NKAIN4: variants seen among roughly 807,000 people sequenced by gnomAD.
NKAIN4 encodes sodium/potassium transporting ATPase interacting 4.
NKAIN4 carries 28 observed loss-of-function variants against 28.8 expected under a neutral mutation model. The ratio of observed to expected loss-of-function variants is 0.97; its 90% confidence interval spans 0.72 to 1.33. The LOEUF (loss-of-function observed/expected upper bound fraction) is 1.33. NKAIN4 is among the 40% of genes most tolerant of loss of function. NKAIN4 has a pLI of 0.00. For missense variants in NKAIN4, 289 were observed against 277.2 expected, an observed-to-expected ratio of 1.04 and a Z score of -0.30; for synonymous variants, 122 against 115.6, an observed-to-expected ratio of 1.06 and a Z score of -0.36.
At chr20:63,242,390 G>A in intron 6 of NKAIN4, 149 bp downstream of exon 6, 2 of 701,974 alleles carry the variant, frequency 2.8e-6, no homozygotes, top group Non-Finnish European at 5.1e-6. Context: ...TGAAGCAGAT[G>A]TTAGAAAAGT....
chr20:63,254,201 G>A, intron 1 of NKAIN4, 196 bp downstream of exon 1: 1 of 455,630 alleles, frequency 2.2e-6, no homozygotes, highest in South Asian at 4.3e-5. Context: ...GACGGGACCC[G>A]GCGCCGCGAC....
rs2066845618 is a variant in NKAIN4 at position 63,245,876 on chromosome 20, T to TC, written c.471+1701dup. ...GAGTGCCCACTCCTCCAGCCTCGGC[T>TC]CCCATAGCACGCCAGCCCCCTCCGA... On this transcript the variant is annotated intron_variant, in intron 4 of 6. Transcript: ENST00000370316. This position sits in a 1 kb window ranked among gnomAD's most constrained non-coding sequence, Gnocchi z 4.7. 6.6e-6 allele frequency among the ~76,000 whole-genome samples: 1 copy of TC among 150,938 alleles called. No individual in the cohort carries two copies. The highest frequency in any genetic ancestry group is 1.5e-5 in the Non-Finnish European group (1 of 67,850).
chr20:63,247,633 G>A lies in NKAIN4; in HGVS notation c.416C>T (p.Ala139Val), dbSNP rs200873761. The change falls in exon 4 of 7, where the codon GCC becomes GTC. Residue 139 changes from alanine to valine, a missense_variant. Ala to Val is a moderately conservative substitution (Grantham distance 64, BLOSUM62 0). Transcript: ENST00000370316. The stretch of plus-strand genomic sequence containing the variant: ...GGCCTCCACATAGCTGGGCTCCAGG[G>A]CACAGCCAGCACCTGACACCAGGGC... Reference protein sequence around the residue: ...GQALVSGAGCALEPSYVEALH... With the variant: ...GQALVSGAGCVLEPSYVEALH... 4.6e-5 allele frequency: 71 copies of A among 1,547,886 alleles called. No individual in the cohort carries two copies. The highest frequency in any genetic ancestry group is 9.6e-6 in the Non-Finnish European group (11 of 1,145,562).
chr20:63,254,238 C>T (rs948810767), intron 1 of NKAIN4, 159 bp downstream of exon 1: 1 of 558,574 alleles, frequency 1.8e-6, no homozygotes. Context: ...GCGACGCCAC[C>T]TTCGGCCGTA....
chr20:63,241,234 T>G lies in NKAIN4; in HGVS notation c.*263A>C. 1 of 476,436 alleles carries G rather than the reference T, an allele frequency of 2.1e-6. No homozygotes were observed. Among genetic ancestry groups the G allele is most frequent in the South Asian group, 2.4e-5 (1 of 41,372 alleles). The allele number at this position is 476,436 out of a possible 1,614,324, so 29.5% of individuals were successfully genotyped here. A position where few individuals can be genotyped will look rare whatever the true frequency, so the allele number is the denominator to read the frequency against. ...TGCCAGAGGAGGTGGGCATGTGGGG[T>G]TTTGCCTTTTCTTTTGTATGTTTTC... On this transcript the variant is annotated 3_prime_UTR_variant, in exon 7 of 7. Transcript: ENST00000370316.
intron 4 of NKAIN4, 77 bp from the exon 5 acceptor site, chr20:63,244,161 A>G (rs41282998): frequency 0.09 from 119,714 of 1,329,794 alleles, 5,809 homozygotes; most frequent in Middle Eastern, 0.13. Flanking sequence ...TGTGGGCCGA[A>G]GCACTGGAGC....
rs562989288 is a variant in NKAIN4 at position 63,252,481 on chromosome 20, T to C, written c.54+1916A>G. On this transcript the variant is annotated intron_variant, in intron 1 of 6. Coordinates refer to ENST00000370316, the MANE Select transcript of NKAIN4 (RefSeq NM_152864.4). This position sits in a 1 kb window ranked among gnomAD's most constrained non-coding sequence, Gnocchi z 4.6. ...ACTTGTCAAAAAAAAAAAGGGGCTA[T>C]CCAACAACCCCGCCCTTCCTCCCGG... Among the ~76,000 whole-genome samples the C allele has an allele frequency of 6.6e-6, 1 of 151,528 alleles. No individual in the cohort carries two copies. The highest frequency in any genetic ancestry group is 6.6e-5 in the Admixed American group (1 of 15,220).
chr20:63,247,751 G>A lies in NKAIN4; in HGVS notation c.298C>T (p.Leu100Phe). Residue 100 changes from leucine (L) to phenylalanine (F), a missense_variant, in exon 4 of 7, where the codon CTC becomes TTC. Physicochemically the swap from Leu to Phe is conservative, Grantham distance 22 (BLOSUM62 0). Coordinates refer to ENST00000370316, the MANE Select transcript of NKAIN4 (RefSeq NM_152864.4). ...LKDSELLTFS[L>F]SRHRSWWRER... ...CGCCACCAGGAGCGATGCCGGGAGA[G>A]GCTGAAGGTCAGTAGCTCGCTGTCC... 1 of 1,474,372 alleles carries A rather than the reference G, an allele frequency of 6.8e-7. No homozygotes were observed. Among genetic ancestry groups the A allele is most frequent in the Non-Finnish European group, 9.0e-7 (1 of 1,108,372 alleles). The allele number at this position is 1,474,372 out of a possible 1,614,324, so 91.3% of individuals were successfully genotyped here.
intron 1 of NKAIN4, chr20:63,254,150 C>A: frequency 2.3e-6 from 1 of 427,662 alleles, no homozygotes; most frequent in Non-Finnish European, 4.1e-6. Context: ...CTGTCCCCGC[C>A]GCTCCGGACC....
intron 1 of NKAIN4, chr20:63,254,149 C>T: frequency 2.3e-6 from 1 of 426,314 alleles, no homozygotes; most frequent in Non-Finnish European, 4.1e-6. Flanking sequence ...CCTGTCCCCG[C>T]CGCTCCGGAC....
intron 1 of NKAIN4, among the ~76,000 whole-genome samples, chr20:63,250,556 G>A (rs1192518846): frequency 2.1e-5 from 3 of 145,666 alleles, no homozygotes; most frequent in Non-Finnish European, 4.7e-5. Flanking sequence ...CGAGGCCCCA[G>A]CCTGCTGCCT....
chr20:63,244,188 G>T, intron 4 of NKAIN4, 104 bp from the exon 5 acceptor site: 1 of 959,722 alleles, frequency 1.0e-6, no homozygotes, highest in Non-Finnish European at 1.6e-6. Flanking sequence ...GACCACCAAG[G>T]CCCTGCCTCT....
intron 1 of NKAIN4, among the ~76,000 whole-genome samples, chr20:63,250,949 C>T (rs1324933751): frequency 1.3e-5 from 2 of 151,246 alleles, no homozygotes. Context: ...TCCCCCATCC[C>T]AGCCAAAAGA....
chr20:63,249,055 C>T (rs1490366721), intron 2 of NKAIN4, 160 bp from the exon 3 acceptor site: 18 of 614,884 alleles, frequency 2.9e-5, no homozygotes, highest in Non-Finnish European at 2.1e-5. Flanking sequence ...GAAAGGGGTC[C>T]CCCAAGCCCA....
intron 6 of NKAIN4, among the ~76,000 whole-genome samples, 166 bp downstream of exon 6, chr20:63,242,373 C>A (rs949214489): frequency 6.6e-6 from 1 of 151,046 alleles, no homozygotes; most frequent in East Asian, 1.9e-4. Flanking sequence ...CACCCCAGAG[C>A]CTGGCATGAA....
chr20:63,244,528 C>G lies in NKAIN4; in HGVS notation c.472-444G>C, dbSNP rs577536054. ...CAGGGGTTCCTCCTCCTCTGTGGAG[C>G]AAGCCATCTGGGATTCTGGTTTTGA... is the stretch of plus-strand genomic sequence containing the variant. On this transcript the variant is annotated intron_variant, in intron 4 of 6. Transcript: ENST00000370316. 2.3e-5 allele frequency: 11 copies of G among 472,538 alleles called. No homozygotes were observed. The East Asian group carries it at 5.5e-4, about 24-fold the overall frequency. The allele number at this position is 472,538 out of a possible 1,614,324, so 29.3% of individuals were successfully genotyped here.
In NKAIN4 at chr20:63,241,422, T is replaced by A; in HGVS notation, c.*75A>T. On this transcript the variant is annotated 3_prime_UTR_variant, in exon 7 of 7. Transcript: ENST00000370316. ...CTGGGTGGGGGCGCGTCCCAAGGCC[T>A]GGGAGCTCCTGTCATTGTCACTGGT... 6.6e-7 allele frequency: 1 copy of A among 1,523,324 alleles called. No individual in the cohort carries two copies. Among genetic ancestry groups the A allele is most frequent in the Non-Finnish European group, 8.9e-7 (1 of 1,122,676 alleles). The allele number at this position is 1,523,324 out of a possible 1,614,324, so 94.4% of individuals were successfully genotyped here. A position where few individuals can be genotyped will look rare whatever the true frequency, so the allele number is the denominator to read the frequency against.
chr20:63,244,142 T>G, intron 4 of NKAIN4, 58 bp from the exon 5 acceptor site: 1 of 1,535,396 alleles, frequency 6.5e-7, no homozygotes, highest in Non-Finnish European at 8.9e-7. Context: ...TGGGGTGTCA[T>G]TGAGGCGATG....
chr20:63,242,827 C>T (rs2066782599), intron 5 of NKAIN4, among the ~76,000 whole-genome samples: 8 of 63,036 alleles, frequency 1.3e-4, no homozygotes, highest in Admixed American at 1.1e-3. Context: ...TGTGCGGGGA[C>T]GGCATCGGGG....
Sources: allele counts gnomAD v4.1 joint callset (sites outside exome capture counted in the v4.1 genomes callset), GRCh38; gene constraint gnomAD v4.1.1; non-coding constraint Gnocchi (gnomAD v3.1); transcripts MANE v1.5; gene names NCBI Gene and HGNC (gene_info 2026-07-23, HGNC 2026-07-21).